SPOCK3: variants seen among roughly 807,000 people sequenced by gnomAD.
The protein encoded by SPOCK3 is SPARC (osteonectin), cwcv and kazal like domains proteoglycan 3.
A neutral mutation model predicts 56.6 loss-of-function variants in SPOCK3; 30 were observed. That is an observed-to-expected ratio of 0.53 (90% CI 0.40 to 0.72). The LOEUF is 0.72. SPOCK3 is among the 30% of genes least tolerant of loss of function. SPOCK3 has a pLI of 0.00. For synonymous variants in SPOCK3, 196 were observed against 183.3 expected (o/e 1.07, Z -0.56); for missense variants, 527 against 530.0 (o/e 0.99, Z 0.06).
intron 8 of SPOCK3, among the ~76,000 whole-genome samples, chr4:166,753,032 T>G (rs2219233): frequency 0.81 from 122,249 of 151,720 alleles, 49,508 homozygotes; most frequent in African/African-American, 0.84. Context: ...ATAAAATTTT[T>G]CTATGGGGAC....
chr4:166,766,226 T>C (rs1284046134), intron 7 of SPOCK3, among the ~76,000 whole-genome samples: 1 of 152,216 alleles, frequency 6.6e-6, no homozygotes, highest in East Asian at 1.9e-4. Flanking sequence ...AACACTATGT[T>C]GAATAGGAGT....
At chr4:166,772,183 T>G (rs1468348037) in intron 7 of SPOCK3, among the ~76,000 whole-genome samples, 1 of 152,122 alleles carries the variant, frequency 6.6e-6, no homozygotes. Context: ...TGATCCTTAC[T>G]TTTTTCACAT....
At chr4:166,996,284 C>A (rs1203245437) in intron 4 of SPOCK3, among the ~76,000 whole-genome samples, 1 of 152,082 alleles carries the variant, frequency 6.6e-6, no homozygotes, top group African/African-American at 2.4e-5. Context: ...TCTTATTATG[C>A]CAAACCTTTT....
At chr4:167,027,025 T>C (rs903616282) in intron 3 of SPOCK3, among the ~76,000 whole-genome samples, 1 of 151,900 alleles carries the variant, frequency 6.6e-6, no homozygotes, top group Non-Finnish European at 1.5e-5. Context: ...CCCCAAATCT[T>C]TTCTTTCATG....
At chr4:167,148,641 T>G (rs1242460408) in intron 2 of SPOCK3, among the ~76,000 whole-genome samples, 1 of 152,146 alleles carries the variant, frequency 6.6e-6, no homozygotes, top group African/African-American at 2.4e-5. Context: ...TAACCGTGTA[T>G]AGTCTTCACA....
intron 5 of SPOCK3, among the ~76,000 whole-genome samples, chr4:166,905,717 A>T (rs1263194726): frequency 6.6e-6 from 1 of 152,014 alleles, no homozygotes; most frequent in East Asian, 1.9e-4. Context: ...GAAGGATATT[A>T]TATGTAAAAA....
intron 6 of SPOCK3, among the ~76,000 whole-genome samples, chr4:166,887,285 T>C (rs1010369295): frequency 2.6e-5 from 4 of 152,144 alleles, no homozygotes; most frequent in Non-Finnish European, 5.9e-5. Flanking sequence ...GGAAATCTCA[T>C]TGAAGTAAAG....
chr4:166,902,065 G>A (rs1218930504), intron 5 of SPOCK3, among the ~76,000 whole-genome samples: 2 of 152,122 alleles, frequency 1.3e-5, no homozygotes, highest in South Asian at 4.1e-4. Context: ...GACAGCTTTT[G>A]TTCCGTGCAC....
chr4:167,116,592 A>ATATACGTATATACTATATACGTATATAG (rs1761370770), intron 2 of SPOCK3, among the ~76,000 whole-genome samples: 1 of 138,716 alleles, frequency 7.2e-6, no homozygotes, highest in Admixed American at 7.4e-5. Flanking sequence ...TTTTGTATAT[A>ATATACGTATATACTATATACGTATATAG]TATACATATA....
chr4:167,224,372 A>C (rs17053109), intron 2 of SPOCK3, among the ~76,000 whole-genome samples: 2 of 152,054 alleles, frequency 1.3e-5, no homozygotes, highest in African/African-American at 4.8e-5. Context: ...AAAAATGTAG[A>C]TAAAGATGTG....
intron 2 of SPOCK3, among the ~76,000 whole-genome samples, chr4:167,233,574 A>G (rs575478052): frequency 6.6e-6 from 1 of 152,148 alleles, no homozygotes; most frequent in Admixed American, 6.5e-5. Context: ...AAATTCCTTA[A>G]TGGACCATTA....
chr4:166,882,639 C>A (rs1733795628), intron 6 of SPOCK3, among the ~76,000 whole-genome samples: 1 of 152,126 alleles, frequency 6.6e-6, no homozygotes, highest in Non-Finnish European at 1.5e-5. Context: ...TGATAACATA[C>A]AACTACATAA....
chr4:166,822,713 A>G (rs1194504946), intron 6 of SPOCK3, among the ~76,000 whole-genome samples: 1 of 152,066 alleles, frequency 6.6e-6, no homozygotes, highest in African/African-American at 2.4e-5. Context: ...GTAATTTATC[A>G]TCTTTTTTTC....
intron 2 of SPOCK3, among the ~76,000 whole-genome samples, chr4:167,117,618 A>G (rs941583292): frequency 6.6e-6 from 1 of 152,314 alleles, no homozygotes; most frequent in Admixed American, 6.5e-5. Context: ...TTCAGGAAGT[A>G]CAAAACAGCA....
In SPOCK3 at chr4:166,932,082, A is replaced by G. The variant is rs148965133; in HGVS notation, c.351-19339T>C. On this transcript the variant is annotated intron_variant, in intron 4 of 10. Transcript: ENST00000357545. Reference sequence around the variant, plus strand: ...TTATTACCATTATTGCTTTCAGAATAATGCATTTGACATGCATATTTTAAG... The same window carrying G: ...TTATTACCATTATTGCTTTCAGAATGATGCATTTGACATGCATATTTTAAG... 1.4e-3 allele frequency among the ~76,000 whole-genome samples: 218 copies of G among 152,368 alleles called. 7 individuals carry two copies. The East Asian group carries it at 0.029, about 20-fold the overall frequency.
At chr4:167,051,340 T>A (rs1283485487) in intron 3 of SPOCK3, among the ~76,000 whole-genome samples, 3 of 152,216 alleles carry the variant, frequency 2.0e-5, no homozygotes, top group African/African-American at 7.2e-5. Context: ...TGACTTTCTA[T>A]GTATGTCCAG....
At chr4:166,872,918 C>A (rs560673951) in intron 6 of SPOCK3, among the ~76,000 whole-genome samples, 1 of 151,970 alleles carries the variant, frequency 6.6e-6, no homozygotes, top group Non-Finnish European at 1.5e-5. Context: ...ATGTGTAAAG[C>A]GATCACCTGG....
At chr4:167,180,064 G>T (rs1460587552) in intron 2 of SPOCK3, among the ~76,000 whole-genome samples, 1 of 152,080 alleles carries the variant, frequency 6.6e-6, no homozygotes, top group Non-Finnish European at 1.5e-5. Context: ...TTTACAAGCT[G>T]GACTCAATGA....
intron 2 of SPOCK3, among the ~76,000 whole-genome samples, chr4:167,162,047 A>G (rs990654029): frequency 1.3e-5 from 2 of 152,096 alleles, no homozygotes; most frequent in Non-Finnish European, 2.9e-5. Context: ...TAATAATAAA[A>G]AAAAAGAAGA....
Sources: allele counts gnomAD v4.1 joint callset (sites outside exome capture counted in the v4.1 genomes callset), GRCh38; gene constraint gnomAD v4.1.1; transcripts MANE v1.5; gene names NCBI Gene and HGNC (gene_info 2026-07-23, HGNC 2026-07-21).